Variants in MRTFA observed in about 807,000 individuals in gnomAD.
The protein encoded by MRTFA is myocardin-related transcription factor A.
Under a neutral mutation model 83.5 loss-of-function variants are expected in MRTFA, and 20 were observed. The ratio of observed to expected loss-of-function variants is 0.24; its 90% CI spans 0.17 to 0.35. MRTFA has a LOEUF of 0.35. Among genes scored for constraint, MRTFA ranks in the 10% least tolerant of loss-of-function variants. The pLI is 1.00. For synonymous variants in MRTFA, 659 were observed against 541.2 expected, an observed-to-expected ratio of 1.22 and a Z score of -3.02; for missense variants, 1,200 against 1,224.7, an observed-to-expected ratio of 0.98 and a Z score of 0.30.
At chr22:40,628,331 A>G (rs1366576547) in intron 1 of MRTFA, among the ~76,000 whole-genome samples, 1 of 152,160 alleles carries the variant, frequency 6.6e-6, no homozygotes, top group Non-Finnish European at 1.5e-5. Context: ...CTCACTGGAT[A>G]TTTTACTCTG....
intron 3 of MRTFA, among the ~76,000 whole-genome samples, chr22:40,495,232 T>A (rs2054331591): frequency 6.6e-6 from 1 of 151,356 alleles, no homozygotes; most frequent in African/African-American, 2.4e-5. Flanking sequence ...ATTAAATAAA[T>A]ACTTTAAAAA....
At chr22:40,571,763 CA>C (rs771335526) in intron 2 of MRTFA, among the ~76,000 whole-genome samples, 208 of 136,580 alleles carry the variant, frequency 1.5e-3, no homozygotes, top group Middle Eastern at 3.6e-3. Context: ...CTAACAAGAC[CA>C]AAAAAAAAAA....
At chr22:40,517,523 G>C (rs533212857) in intron 3 of MRTFA, among the ~76,000 whole-genome samples, 1 of 152,136 alleles carries the variant, frequency 6.6e-6, no homozygotes, top group Admixed American at 6.5e-5. Flanking sequence ...GCCGTAAAAT[G>C]GGATAAGAGC....
chr22:40,606,706 A>G (rs2056322405), intron 1 of MRTFA, among the ~76,000 whole-genome samples: 1 of 152,196 alleles, frequency 6.6e-6, no homozygotes, highest in South Asian at 2.1e-4. Flanking sequence ...TTCTTTTCAG[A>G]GGGAAAAAGT....
chr22:40,628,919 A>G (rs775237250), intron 1 of MRTFA, among the ~76,000 whole-genome samples: 1 of 152,114 alleles, frequency 6.6e-6, no homozygotes, highest in Non-Finnish European at 1.5e-5. Flanking sequence ...AGGTCACCCA[A>G]TTTCTGCTTT....
chr22:40,529,002 G>C lies in MRTFA; in HGVS notation c.241+23104C>G, dbSNP rs573531813. 5.9e-5 allele frequency among the ~76,000 whole-genome samples: 9 copies of C among 152,230 alleles called. No individual in the cohort carries two copies. The South Asian group carries it at 1.0e-3, about 18-fold the overall frequency. ...GAGCATTAAGAGATCCAAAAAGTAG[G>C]TATTGCTAGTGCAATCTGGAGTTTT... is the stretch of plus-strand genomic sequence containing the variant. On this transcript the variant is annotated intron_variant, in intron 3 of 14. Coordinates refer to ENST00000355630, the MANE Select transcript of MRTFA (RefSeq NM_020831.6).
At chr22:40,480,230 T>A in intron 3 of MRTFA, among the ~76,000 whole-genome samples, 1 of 152,024 alleles carries the variant, frequency 6.6e-6, no homozygotes, top group Non-Finnish European at 1.5e-5. Flanking sequence ...GAATCTTCAA[T>A]CACCTCTCTT....
At chr22:40,572,377 A>C (rs761095632) in intron 2 of MRTFA, among the ~76,000 whole-genome samples, 4 of 152,130 alleles carry the variant, frequency 2.6e-5, no homozygotes, top group Non-Finnish European at 5.9e-5. Context: ...TGAAAGGTTG[A>C]GGTCTGAGAA....
chr22:40,519,733 T>C (rs2054829809), intron 3 of MRTFA: 1 of 596,782 alleles, frequency 1.7e-6, no homozygotes, highest in African/African-American at 2.0e-5. Context: ...GGAGTCAGGC[T>C]AGTACAAACG....
chr22:40,433,312 C>CA (rs1341091826), intron 5 of MRTFA: 1 of 152,316 alleles, frequency 6.6e-6, no homozygotes, highest in Non-Finnish European at 1.5e-5. Flanking sequence ...CACTGAAGCA[C>CA]ATTTGTGTCG....
At chr22:40,577,793 A>T (rs2055889668) in intron 2 of MRTFA, among the ~76,000 whole-genome samples, 2 of 150,596 alleles carry the variant, frequency 1.3e-5, no homozygotes. Context: ...TTTAGTAGAG[A>T]TGGGGTTTCT....
chr22:40,498,277 T>TATATATATATA (rs1602339552), intron 3 of MRTFA, among the ~76,000 whole-genome samples: 161 of 81,648 alleles, frequency 2.0e-3, no homozygotes, highest in East Asian at 3.2e-3. Context: ...ATATATATTT[T>TATATATATATA]TTTTTTTTTT....
At chr22:40,618,326 G>A (rs369536706) in intron 1 of MRTFA, among the ~76,000 whole-genome samples, 54 of 148,198 alleles carry the variant, frequency 3.6e-4, no homozygotes, top group African/African-American at 9.2e-4. Flanking sequence ...TCCTGACCTC[G>A]TGACCCACTC....
At chr22:40,629,265 G>A (rs951909132) in intron 1 of MRTFA, among the ~76,000 whole-genome samples, 2 of 151,944 alleles carry the variant, frequency 1.3e-5, no homozygotes, top group African/African-American at 4.8e-5. Flanking sequence ...CCAATATGGT[G>A]AAACCCCGTC....
chr22:40,449,684 A>T (rs549566331), intron 4 of MRTFA, among the ~76,000 whole-genome samples: 46 of 152,362 alleles, frequency 3.0e-4, no homozygotes, highest in African/African-American at 1.1e-3. Context: ...AACTACACTT[A>T]GTAAAGAAGG....
chr22:40,459,203 T>TG lies in MRTFA; in HGVS notation c.307+4017dup, dbSNP rs1222676355. On this transcript the variant is annotated intron_variant, in intron 4 of 14. Transcript: ENST00000355630. Reference sequence around the variant, plus strand: ...AAAGGAGTCGGGGGACACAGGGTAGTGGTGAGGGAGGGTTACTCACTAGGT... The same window carrying TG: ...AAAGGAGTCGGGGGACACAGGGTAGTGGGTGAGGGAGGGTTACTCACTAGGT... Among the ~76,000 whole-genome samples, 40 of 117,810 alleles carry TG rather than the reference T, an allele frequency of 3.4e-4. 2 individuals are homozygous for TG. Among genetic ancestry groups the TG allele is most frequent in the Middle Eastern group, 5.9e-3 (1 of 170 alleles). The allele number at this position is 117,810 out of a possible 152,430, so 77.3% of individuals were successfully genotyped here.
At chr22:40,578,747 C>A (rs2055905153) in intron 2 of MRTFA, among the ~76,000 whole-genome samples, 1 of 151,970 alleles carries the variant, frequency 6.6e-6, no homozygotes, top group Non-Finnish European at 1.5e-5. Context: ...TGGTGAAACA[C>A]CAGCTCTACC....
At chr22:40,535,429 T>G (rs934831610) in intron 3 of MRTFA, among the ~76,000 whole-genome samples, 1 of 139,342 alleles carries the variant, frequency 7.2e-6, no homozygotes, top group African/African-American at 2.7e-5. Flanking sequence ...CTCAGGTCAC[T>G]GCAGCCTCAA....
At chr22:40,480,099 C>A (rs1266991884) in intron 3 of MRTFA, among the ~76,000 whole-genome samples, 1 of 152,140 alleles carries the variant, frequency 6.6e-6, no homozygotes, top group African/African-American at 2.4e-5. Flanking sequence ...GACGATACAA[C>A]TGTCATACCA....
Sources: allele counts gnomAD v4.1 joint callset (sites outside exome capture counted in the v4.1 genomes callset), GRCh38; gene constraint gnomAD v4.1.1; transcripts MANE v1.5; gene names NCBI Gene and HGNC (gene_info 2026-07-23, HGNC 2026-07-21).